Variants in ZFHX3 observed in about 807,000 individuals in gnomAD.
ZFHX3 encodes zinc finger homeobox protein 3.
A neutral mutation model predicts 279.1 loss-of-function variants in ZFHX3; 42 were observed. That is an observed-to-expected ratio of 0.15 (90% confidence interval 0.12 to 0.19). ZFHX3 has a LOEUF of 0.19. Ranked by LOEUF, ZFHX3 falls within the 10% of genes least tolerant of loss-of-function variation. ZFHX3 has a pLI of 1.00. For missense variants in ZFHX3, 4,981 were observed against 4,754.0 expected (o/e 1.05, Z -1.40); for synonymous variants, 2,293 against 1,957.8 (o/e 1.17, Z -4.52).
At chr16:73,012,162 T>C (rs1408228745) in intron 1 of ZFHX3, among the ~76,000 whole-genome samples, 1 of 152,218 alleles carries the variant, frequency 6.6e-6, no homozygotes. Flanking sequence ...TGATCTCAAG[T>C]CTTCCAACAC....
chr16:72,925,625 T>G (rs923674030), intron 3 of ZFHX3, among the ~76,000 whole-genome samples: 2 of 152,238 alleles, frequency 1.3e-5, no homozygotes, highest in African/African-American at 2.4e-5. Flanking sequence ...TCCCTTATCT[T>G]GAGTTGCCTT....
chr16:73,572,658 A>G lies in ZFHX3; in HGVS notation c.-1547+107522T>C, dbSNP rs145319739. On this transcript the variant is annotated intron_variant, in intron 2 of 17. Transcript: ENST00000641206. ...ACTGGAAGCCTGTCTGTCATGGTGA[A>G]TACCAAACCAGAAGCTCGCACCACG... Among the ~76,000 whole-genome samples, 200 of 152,336 alleles carry G rather than the reference A, an allele frequency of 1.3e-3. 1 individual carries two copies. Among genetic ancestry groups the G allele is most frequent in the African/African-American group, 4.5e-3 (185 of 41,572 alleles).
At chr16:72,802,490 G>T (rs540417495) in intron 7 of ZFHX3, among the ~76,000 whole-genome samples, 1 of 152,212 alleles carries the variant, frequency 6.6e-6, no homozygotes, top group South Asian at 2.1e-4. Context: ...TGCCCCATAT[G>T]TGTTTAAGTA....
intron 7 of ZFHX3, among the ~76,000 whole-genome samples, chr16:73,096,644 A>T (rs1444770985): frequency 6.6e-6 from 1 of 150,874 alleles, no homozygotes; most frequent in Non-Finnish European, 1.5e-5. Context: ...ACCTCAAGGG[A>T]TCCACCTGCC....
intron 8 of ZFHX3, among the ~76,000 whole-genome samples, chr16:73,071,353 C>G (rs1394308958): frequency 6.6e-6 from 1 of 152,078 alleles, no homozygotes; most frequent in South Asian, 2.1e-4. Context: ...GCTGACCAGG[C>G]TCCCCTGCCT....
chr16:72,939,912 G>A (rs1293155341), intron 3 of ZFHX3, among the ~76,000 whole-genome samples: 1 of 152,110 alleles, frequency 6.6e-6, no homozygotes, highest in Non-Finnish European at 1.5e-5. Context: ...TCATGTAGCT[G>A]GGACTATAAG....
chr16:73,407,203 C>A (rs996482122), intron 3 of ZFHX3, among the ~76,000 whole-genome samples: 2 of 152,224 alleles, frequency 1.3e-5, no homozygotes, highest in Non-Finnish European at 2.9e-5. Flanking sequence ...GGAGAATGAT[C>A]CAGCCTCAAA....
chr16:73,762,145 AAAC>A (rs900816422), intron 1 of ZFHX3, among the ~76,000 whole-genome samples: 10 of 152,174 alleles, frequency 6.6e-5, no homozygotes, highest in African/African-American at 1.9e-4. Context: ...AGAAAAAAAA[AAAC>A]AACACCATTA....
intron 3 of ZFHX3, among the ~76,000 whole-genome samples, chr16:73,332,070 G>A (rs1445363307): frequency 6.6e-6 from 1 of 152,190 alleles, no homozygotes; most frequent in African/African-American, 2.4e-5. Flanking sequence ...CTTTTATAGA[G>A]CCTGATCCAA....
At chr16:73,622,248 G>C (rs1009162105) in intron 2 of ZFHX3, among the ~76,000 whole-genome samples, 2 of 152,140 alleles carry the variant, frequency 1.3e-5, no homozygotes, top group Non-Finnish European at 2.9e-5. Flanking sequence ...TACAGAATTT[G>C]GAGAGTTCTC....
chr16:73,809,043 A>G (rs1314369517), intron 1 of ZFHX3, among the ~76,000 whole-genome samples: 1 of 152,138 alleles, frequency 6.6e-6, no homozygotes, highest in Non-Finnish European at 1.5e-5. Context: ...TGCATTTGTA[A>G]TAAGCAATAA....
At chr16:73,018,057 C>T (rs1244523264) in intron 1 of ZFHX3, among the ~76,000 whole-genome samples, 1 of 151,332 alleles carries the variant, frequency 6.6e-6, no homozygotes, top group African/African-American at 2.4e-5. Flanking sequence ...ACGATCATGG[C>T]TCACTGCAGC....
intron 2 of ZFHX3, among the ~76,000 whole-genome samples, chr16:73,576,223 A>G (rs1223999313): frequency 2.0e-5 from 3 of 152,182 alleles, no homozygotes; most frequent in Admixed American, 6.5e-5. Flanking sequence ...CATACGATTT[A>G]ATCCTTTAAA....
chr16:72,938,302 C>T (rs539758968), intron 3 of ZFHX3, among the ~76,000 whole-genome samples: 45 of 152,388 alleles, frequency 3.0e-4, no homozygotes, highest in African/African-American at 9.9e-4. Context: ...CAACGCAGGG[C>T]GTGTGTAACC....
At chr16:73,062,971 T>C (rs1021192993), upstream of ZFHX3, among the ~76,000 whole-genome samples, 1 of 152,248 alleles carries the variant, frequency 6.6e-6, no homozygotes, top group Non-Finnish European at 1.5e-5. Flanking sequence ...GTAGTTAACA[T>C]GATCTAAACA....
At chr16:73,639,711 A>T (rs1412594661) in intron 2 of ZFHX3, among the ~76,000 whole-genome samples, 1 of 151,450 alleles carries the variant, frequency 6.6e-6, no homozygotes, top group African/African-American at 2.5e-5. Context: ...ACATGTGTTT[A>T]TCTCTTCTTC....
chr16:73,095,928 T>C (rs1337030328), intron 7 of ZFHX3, among the ~76,000 whole-genome samples: 1 of 152,238 alleles, frequency 6.6e-6, no homozygotes, highest in East Asian at 1.9e-4. Flanking sequence ...TTGCACTTAC[T>C]GTAGCAAACT....
At chr16:73,562,576 A>AC (rs1431676848) in intron 2 of ZFHX3, among the ~76,000 whole-genome samples, 1 of 143,654 alleles carries the variant, frequency 7.0e-6, no homozygotes, top group Non-Finnish European at 1.5e-5. Flanking sequence ...AGCCTGGGCG[A>AC]CAGAGCCAGA....
intron 3 of ZFHX3, among the ~76,000 whole-genome samples, chr16:72,919,038 G>C (rs868199220): frequency 7.9e-5 from 12 of 152,060 alleles, no homozygotes; most frequent in Non-Finnish European, 1.3e-4. Flanking sequence ...GCTGGGTTCA[G>C]TGTGTTCCCT....
Sources: allele counts gnomAD v4.1 joint callset (sites outside exome capture counted in the v4.1 genomes callset), GRCh38; gene constraint gnomAD v4.1.1; transcripts MANE v1.5; gene names NCBI Gene and HGNC (gene_info 2026-07-23, HGNC 2026-07-21).